The following PTPRD variants were observed in gnomAD, a reference collection of about 807,000 sequenced individuals.
PTPRD encodes protein tyrosine phosphatase receptor type D.
In PTPRD, 34 loss-of-function variants were observed where a neutral mutation model predicts 214.5. The ratio of observed to expected loss-of-function variants is 0.16; its 90% CI spans 0.12 to 0.21. The LOEUF (loss-of-function observed/expected upper bound fraction) is 0.21. PTPRD is among the 10% of genes least tolerant of loss of function. The pLI, the probability that PTPRD is intolerant of heterozygous loss-of-function variation, is 1.00. For missense variants in PTPRD, 2,545 were observed against 2,398.7 expected, an observed-to-expected ratio of 1.06 and a Z score of -1.27; for synonymous variants, 1,128 against 845.7, an observed-to-expected ratio of 1.33 and a Z score of -5.79.
At chr9:10,371,074 G>A (rs1185659186) in intron 2 of PTPRD, among the ~76,000 whole-genome samples, 4 of 151,712 alleles carry the variant, frequency 2.6e-5, no homozygotes, top group Admixed American at 6.6e-5. Context: ...AACCAAATTT[G>A]TGCTTCTCAG....
intron 3 of PTPRD, among the ~76,000 whole-genome samples, chr9:10,173,375 G>A (rs1048961053): frequency 2.6e-5 from 4 of 152,110 alleles, no homozygotes; most frequent in African/African-American, 9.7e-5. Flanking sequence ...CAAAAAATGA[G>A]TTAAGGAAAG....
At chr9:9,315,919 G>A (rs900954104) in intron 9 of PTPRD, among the ~76,000 whole-genome samples, 10 of 144,880 alleles carry the variant, frequency 6.9e-5, no homozygotes, top group African/African-American at 1.3e-4. Context: ...CTTTTCTTGC[G>A]AATTTTCTCA....
chr9:10,084,993 T>C (rs560619998), intron 3 of PTPRD, among the ~76,000 whole-genome samples: 34 of 152,018 alleles, frequency 2.2e-4, no homozygotes, highest in Admixed American at 7.2e-4. Flanking sequence ...TGATTTGAAG[T>C]AGTCCAGAGA....
chr9:9,946,972 A>T (rs549774247), intron 4 of PTPRD, among the ~76,000 whole-genome samples: 5 of 151,992 alleles, frequency 3.3e-5, no homozygotes, highest in African/African-American at 1.2e-4. Context: ...TAAAATCCTG[A>T]TTTTGGAAGC....
At chr9:8,823,218 C>G (rs1376800577) in intron 11 of PTPRD, among the ~76,000 whole-genome samples, 2 of 152,094 alleles carry the variant, frequency 1.3e-5, no homozygotes, top group Non-Finnish European at 2.9e-5. Flanking sequence ...ACCCCCTTTG[C>G]CTGACCTCTA....
chr9:8,779,166 G>A (rs377259293), intron 11 of PTPRD, among the ~76,000 whole-genome samples: 1 of 152,148 alleles, frequency 6.6e-6, no homozygotes, highest in Non-Finnish European at 1.5e-5. Context: ...AAGGCTGACA[G>A]AAAAATAACA....
intron 9 of PTPRD, among the ~76,000 whole-genome samples, chr9:9,320,136 T>C (rs891095039): frequency 6.6e-6 from 1 of 152,204 alleles, no homozygotes; most frequent in African/African-American, 2.4e-5. Flanking sequence ...TATATAAGAA[T>C]TCCTTTTTGT....
intron 7 of PTPRD, among the ~76,000 whole-genome samples, chr9:9,643,961 A>G (rs977770604): frequency 2.6e-5 from 4 of 152,220 alleles, no homozygotes; most frequent in African/African-American, 9.6e-5. Flanking sequence ...TTACCATTGT[A>G]CAAATTCTAC....
chr9:9,852,529 G>C (rs543525976), intron 5 of PTPRD, among the ~76,000 whole-genome samples: 177 of 152,044 alleles, frequency 1.2e-3, no homozygotes, highest in African/African-American at 4.1e-3. Context: ...ACCTGCTATA[G>C]TGTCTAGAGT....
intron 5 of PTPRD, among the ~76,000 whole-genome samples, chr9:9,916,363 T>C (rs949992164): frequency 3.3e-5 from 5 of 150,750 alleles, no homozygotes; most frequent in Admixed American, 6.6e-5. Flanking sequence ...CAACCACAAA[T>C]AATAAAAGAA....
chr9:9,503,478 C>G (rs1350307270), intron 8 of PTPRD, among the ~76,000 whole-genome samples: 2 of 151,536 alleles, frequency 1.3e-5, no homozygotes, highest in Non-Finnish European at 3.0e-5. Context: ...GCTCAAGTAT[C>G]TGGGCTCATA....
chr9:10,138,496 G>C lies in PTPRD; in HGVS notation c.-544-104706C>G, dbSNP rs143227979. 4.2e-3 allele frequency among the ~76,000 whole-genome samples: 640 copies of C among 152,172 alleles called. 3 individuals are homozygous for C. Among genetic ancestry groups the C allele is most frequent in the African/African-American group, 0.015 (606 of 41,522 alleles). On this transcript the variant is annotated intron_variant, in intron 3 of 45. Coordinates refer to ENST00000381196, the MANE Select transcript of PTPRD (RefSeq NM_002839.4). ...AGCCAAATTCTAACAGATGTACATAGAGCTGGTACCAATCCTACTGAAACC... is the reference window on the plus strand; with the variant it reads ...AGCCAAATTCTAACAGATGTACATACAGCTGGTACCAATCCTACTGAAACC...
chr9:10,054,729 T>C (rs543937591), intron 3 of PTPRD, among the ~76,000 whole-genome samples: 1 of 152,108 alleles, frequency 6.6e-6, no homozygotes, highest in African/African-American at 2.4e-5. Context: ...CTTTCACTAA[T>C]GTCAGCAAGC....
At chr9:8,503,752 C>A (rs1047845681) in intron 23 of PTPRD, among the ~76,000 whole-genome samples, 8 of 152,198 alleles carry the variant, frequency 5.3e-5, no homozygotes, top group Non-Finnish European at 8.8e-5. Context: ...AGGTACTACA[C>A]ACAGAGTTAA....
intron 8 of PTPRD, among the ~76,000 whole-genome samples, chr9:9,512,541 G>T (rs144251663): frequency 1.3e-5 from 2 of 151,740 alleles, no homozygotes; most frequent in Non-Finnish European, 2.9e-5. Context: ...ATGCAATTTC[G>T]CTTTCCAATC....
chr9:8,919,935 T>G (rs989753377), intron 11 of PTPRD, among the ~76,000 whole-genome samples: 3 of 131,374 alleles, frequency 2.3e-5, no homozygotes, highest in Non-Finnish European at 3.5e-5. Flanking sequence ...TGCATGCATG[T>G]ATGCATGTAC....
At chr9:8,870,714 A>ACACACACACACACATG (rs1555457931) in intron 11 of PTPRD, among the ~76,000 whole-genome samples, 77 of 149,976 alleles carry the variant, frequency 5.1e-4, no homozygotes, top group Non-Finnish European at 9.3e-4. Flanking sequence ...ACACACACAC[A>ACACACACACACACATG]CACACACACA....
intron 3 of PTPRD, among the ~76,000 whole-genome samples, chr9:10,080,274 GCAAACC>G (rs1051654045): frequency 5.3e-5 from 8 of 152,028 alleles, no homozygotes; most frequent in African/African-American, 7.2e-5. Context: ...ACAGGAGCAG[GCAAACC>G]CAAAATAGAA....
intron 4 of PTPRD, among the ~76,000 whole-genome samples, chr9:9,959,263 A>T (rs1222549372): frequency 6.6e-6 from 1 of 152,202 alleles, no homozygotes; most frequent in Non-Finnish European, 1.5e-5. Context: ...ATTTGTGATT[A>T]CAATTATATA....
Sources: allele counts gnomAD v4.1 joint callset (sites outside exome capture counted in the v4.1 genomes callset), GRCh38; gene constraint gnomAD v4.1.1; transcripts MANE v1.5; gene names NCBI Gene and HGNC (gene_info 2026-07-23, HGNC 2026-07-21).